The following SMARCE1 variants were observed in gnomAD, a reference collection of about 807,000 sequenced individuals.
The protein encoded by SMARCE1 is SWI/SNF-related matrix-associated actin-dependent regulator of chromatin subfamily E member 1.
SMARCE1 carries 13 observed loss-of-function variants against 54.9 expected under a neutral mutation model. That is an observed-to-expected ratio of 0.24 (90% CI 0.15 to 0.38). SMARCE1 has a LOEUF of 0.38. SMARCE1 is among the 10% of genes least tolerant of loss of function. The pLI is 1.00. For synonymous variants in SMARCE1, 151 were observed against 175.3 expected (o/e 0.86, Z 1.10); for missense variants, 295 against 523.8 (o/e 0.56, Z 4.26).
intron 1 of SMARCE1, among the ~76,000 whole-genome samples, chr17:40,646,905 T>A (rs1478664528): frequency 6.6e-6 from 1 of 152,218 alleles, no homozygotes. Flanking sequence ...TGGTCCAACC[T>A]GAGTCTTTCC....
intron 4 of SMARCE1, among the ~76,000 whole-genome samples, chr17:40,638,137 T>C (rs2037163397): frequency 6.6e-6 from 1 of 152,190 alleles, no homozygotes; most frequent in Non-Finnish European, 1.5e-5. Flanking sequence ...TTATTTCTCT[T>C]AAGGTTCTGT....
rs564569663 is a variant in SMARCE1, at chr17:40,625,081, C to T, written c.*3704G>A. ...TCATTTCACACTTAGAAAGCTGCCA[C>T]GAAGAGCTTATTCTTGGAGTATAAA... is the stretch of plus-strand genomic sequence containing the variant. On this transcript the variant is annotated 3_prime_UTR_variant, in exon 11 of 11. Coordinates refer to ENST00000348513, the MANE Select transcript of SMARCE1 (RefSeq NM_003079.5). The T allele has an allele frequency of 6.6e-6, 1 of 152,266 alleles. No individual in the cohort carries two copies. Among genetic ancestry groups the T allele is most frequent in the African/African-American group, 2.4e-5 (1 of 41,528 alleles). The allele number at this position is 152,266 out of a possible 1,614,324, so 9.4% of individuals were successfully genotyped here.
chr17:40,645,619 T>C lies in SMARCE1; in HGVS notation c.8A>G (p.Lys3Arg). MS[K>R]RPSYAPPPTP... ...GGGAGGTGGGGCATAAGATGGTCTTTCTGTTTGAAAGAAAATAAATAACTT... is the reference window on the plus strand; with the variant it reads ...GGGAGGTGGGGCATAAGATGGTCTTCCTGTTTGAAAGAAAATAAATAACTT... The change falls in exon 3 of 11, where the codon AAA becomes AGA. Residue 3 changes from lysine (K) to arginine (R), a missense_variant and splice_region_variant. Transcript: ENST00000348513. 1 of 1,563,628 alleles carries C rather than the reference T, an allele frequency of 6.4e-7. No individual in the cohort carries two copies. The highest frequency in any genetic ancestry group is 8.6e-7 in the Non-Finnish European group (1 of 1,162,526).
At position 40,630,625 on chromosome 17, in the gene SMARCE1, G is replaced by C. The variant is rs572372688; in HGVS notation, c.1027+89C>G. ...GAATCACCCTCAGTGGCAGGTACCAGAATACTTGCACTTAGAAAGAAAAAC... is the reference window on the plus strand; with the variant it reads ...GAATCACCCTCAGTGGCAGGTACCACAATACTTGCACTTAGAAAGAAAAAC... On this transcript the variant is annotated intron_variant, in intron 10 of 10. Transcript: ENST00000348513. 351 of 1,032,270 alleles carry C rather than the reference G, an allele frequency of 3.4e-4. 4 individuals are homozygous for C. The East Asian group carries it at 8.2e-3, about 24-fold the overall frequency. 63.9% of individuals were successfully genotyped at this position (1,032,270 alleles called of 1,614,324 possible). A position where few individuals can be genotyped will look rare whatever the true frequency, so the allele number is the denominator to read the frequency against.
rs776210388 is a variant in SMARCE1, at chr17:40,628,460, T to C, written c.*325A>G. ...CTTTGGTAAGCACCCCAGTGAGCTG[T>C]AGGAAGGCATTGTAAGAGTAGATTC... On this transcript the variant is annotated 3_prime_UTR_variant, in exon 11 of 11. Coordinates refer to ENST00000348513, the MANE Select transcript of SMARCE1 (RefSeq NM_003079.5). The C allele has an allele frequency of 1.1e-5, 3 of 278,176 alleles. No individual in the cohort carries two copies. The highest frequency in any genetic ancestry group is 8.5e-5 in the South Asian group (2 of 23,488). 17.2% of individuals were successfully genotyped at this position (278,176 alleles called of 1,614,324 possible). A position where few individuals can be genotyped will look rare whatever the true frequency, so the allele number is the denominator to read the frequency against.
At chr17:40,643,762 C>A (rs1464099881) in intron 3 of SMARCE1, 5 of 151,970 alleles carry the variant, frequency 3.3e-5, no homozygotes, top group African/African-American at 1.2e-4. Flanking sequence ...TCCTTAGTAC[C>A]CAAAAGAAAG....
chr17:40,638,021 A>T (rs2037162506), intron 4 of SMARCE1, among the ~76,000 whole-genome samples: 1 of 152,198 alleles, frequency 6.6e-6, no homozygotes, highest in African/African-American at 2.4e-5. Flanking sequence ...TATTAGCACT[A>T]GGAATGTACT....
intron 4 of SMARCE1, chr17:40,640,226 T>G (rs1029791): frequency 6.6e-6 from 1 of 152,158 alleles, no homozygotes; most frequent in Non-Finnish European, 1.5e-5. Context: ...TGTACAGAAA[T>G]AGGCTGTTTT....
At position 40,642,113 on chromosome 17, in the gene SMARCE1, A is replaced by G. The variant is rs908956787; in HGVS notation, c.156+342T>C. 2 of 411,488 alleles carry G rather than the reference A, an allele frequency of 4.9e-6. No individual in the cohort carries two copies. The highest frequency in any genetic ancestry group is 6.6e-4 in the Middle Eastern group (1 of 1,524). The allele number at this position is 411,488 out of a possible 1,614,324, so 25.5% of individuals were successfully genotyped here. A position where few individuals can be genotyped will look rare whatever the true frequency, so the allele number is the denominator to read the frequency against. On this transcript the variant is annotated intron_variant, in intron 4 of 10. Coordinates refer to ENST00000348513, the MANE Select transcript of SMARCE1 (RefSeq NM_003079.5). The surrounding 1 kb of genome is among the most constrained non-coding windows in gnomAD (Gnocchi z 4.6). ...AACTCAATCCTTGAGACTAATGCCA[A>G]TCACCTTATAAAAATGAAAAATACT...
intron 4 of SMARCE1, among the ~76,000 whole-genome samples, chr17:40,638,236 T>G (rs1158652653): frequency 6.6e-6 from 1 of 152,162 alleles, no homozygotes; most frequent in Non-Finnish European, 1.5e-5. Flanking sequence ...AATCACAGTG[T>G]AAAAGCAAAC....
chr17:40,638,502 G>C (rs1047235801), intron 4 of SMARCE1, among the ~76,000 whole-genome samples: 3 of 152,060 alleles, frequency 2.0e-5, no homozygotes, highest in African/African-American at 7.2e-5. Context: ...GAAAGATAAA[G>C]TGATCAGTTT....
At chr17:40,645,686 C>A in intron 2 of SMARCE1, 67 bp from the exon 3 acceptor site, 1 of 1,206,982 alleles carries the variant, frequency 8.3e-7, no homozygotes, top group Admixed American at 2.9e-5. Context: ...ACAAAACTAC[C>A]AATGGTCCTG....
In SMARCE1 at chr17:40,630,808, A is replaced by G. The variant is rs141470385; in HGVS notation, c.933T>C (p.Ala311=). Residue 311 remains alanine, a synonymous_variant, in exon 10 of 11, where the codon GCT becomes GCC. Coordinates refer to ENST00000348513, the MANE Select transcript of SMARCE1 (RefSeq NM_003079.5). ...EEREKEAAEQ[A]ERSQSSIVPE... ...GAACGATGCTGCTCTGACTGCGCTCAGCTTGCTCTGCGGCCTCCTTCTCCC... is the reference window on the plus strand; with the variant it reads ...GAACGATGCTGCTCTGACTGCGCTCGGCTTGCTCTGCGGCCTCCTTCTCCC... The G allele has an allele frequency of 2.6e-5, 42 of 1,614,070 alleles. No individual in the cohort carries two copies. In the African/African-American group the frequency reaches 5.5e-4, roughly 21 times the overall value.
Position 40,629,391 on chromosome 17 carries a change from T to A in SMARCE1, c.1028-398A>T, listed in dbSNP as rs550647552. ...TAAAACACTTGTTTTGCTTAACTTT[T>A]AAAAATATGTCACTAGTAGAAAATA... On this transcript the variant is annotated intron_variant, in intron 10 of 10. Transcript: ENST00000348513. 9 of 482,158 alleles carry A rather than the reference T, an allele frequency of 1.9e-5. No individual in the cohort carries two copies. The South Asian group carries it at 8.2e-4, about 44-fold the overall frequency. The allele number at this position is 482,158 out of a possible 1,614,324, so 29.9% of individuals were successfully genotyped here.
At chr17:40,630,106 A>G (rs1366037182) in intron 10 of SMARCE1, 2 of 676,428 alleles carry the variant, frequency 3.0e-6, no homozygotes, top group East Asian at 5.4e-5. Flanking sequence ...GTGTTAAAAC[A>G]GTGCCATGAG....
At position 40,628,624 on chromosome 17, in the gene SMARCE1, G is replaced by C; in HGVS notation, c.*161C>G. ...TTCACAACACTTAAGAAAGGTGACT[G>C]ACTGAGCCATTAGGCTCATGATGCT... On this transcript the variant is annotated 3_prime_UTR_variant, in exon 11 of 11. Transcript: ENST00000348513. 2 of 592,788 alleles carry C rather than the reference G, an allele frequency of 3.4e-6. No individual in the cohort carries two copies. Among genetic ancestry groups the C allele is most frequent in the Non-Finnish European group, 6.0e-6 (2 of 332,858 alleles). The allele number at this position is 592,788 out of a possible 1,614,324, so 36.7% of individuals were successfully genotyped here. A position where few individuals can be genotyped will look rare whatever the true frequency, so the allele number is the denominator to read the frequency against.
At chr17:40,641,702 CTT>C (rs938658117) in intron 4 of SMARCE1, 3 of 151,982 alleles carry the variant, frequency 2.0e-5, no homozygotes, top group Non-Finnish European at 2.9e-5. Context: ...GGTGCTTAAA[CTT>C]TTTTGAATGA....
chr17:40,632,498 G>A, intron 7 of SMARCE1, 131 bp from the exon 8 acceptor site: 2 of 671,448 alleles, frequency 3.0e-6, no homozygotes, highest in Non-Finnish European at 2.5e-6. Context: ...CCAGCGTCAT[G>A]GGAGCACTGG....
Position 40,636,116 on chromosome 17 carries a change from GT to G in SMARCE1, c.370-15del, listed in dbSNP as rs34431076. On this transcript the variant is annotated splice_polypyrimidine_tract_variant and intron_variant, in intron 6 of 10. Coordinates refer to ENST00000348513, the MANE Select transcript of SMARCE1 (RefSeq NM_003079.5). The stretch of plus-strand genomic sequence containing the variant: ...ATTGTACTCTATCTGAAATTCAAAT[GT>G]TTTTTGGTTTTATAATTAACATTTT... 1 of 1,581,752 alleles carries G rather than the reference GT, an allele frequency of 6.3e-7. No individual in the cohort carries two copies. Among genetic ancestry groups the G allele is most frequent in the Admixed American group, 1.9e-5 (1 of 53,202 alleles).
Sources: gnomAD v4.1 joint callset for allele counts (sites outside exome capture counted in the v4.1 genomes callset) on GRCh38, gnomAD v4.1.1 for gene constraint, Gnocchi (gnomAD v3.1) non-coding constraint, MANE v1.5 for transcripts, NCBI Gene and HGNC (gene_info 2026-07-23, HGNC 2026-07-21) for gene names.